Variants in FCAMR observed in about 807,000 individuals in gnomAD.
The protein encoded by FCAMR is high affinity immunoglobulin alpha and immunoglobulin mu Fc receptor.
A neutral mutation model predicts 52.2 loss-of-function variants in FCAMR; 51 were observed. The ratio of observed to expected loss-of-function variants is 0.98; its 90% CI spans 0.78 to 1.23. FCAMR has a LOEUF of 1.23. Ranked by LOEUF, FCAMR falls within the 50% of genes most tolerant of loss-of-function variation. FCAMR has a pLI of 0.00. For synonymous variants in FCAMR, 282 were observed against 262.0 expected, an observed-to-expected ratio of 1.08 and a Z score of -0.74; for missense variants, 719 against 712.6, an observed-to-expected ratio of 1.01 and a Z score of -0.10.
chr1:206,969,190 T>G (rs1680837633), intron 1 of FCAMR: 1 of 406,596 alleles, frequency 2.5e-6, no homozygotes, highest in South Asian at 1.7e-5. Context: ...TAAGTGCTGA[T>G]GCAGCACATG....
intron 4 of FCAMR, among the ~76,000 whole-genome samples, chr1:206,964,853 T>C (rs376504919): frequency 2.6e-5 from 4 of 152,192 alleles, no homozygotes; most frequent in Admixed American, 6.5e-5. Context: ...GCAGGACTTC[T>C]TGTTCAAAAG....
At chr1:206,966,489 G>C (rs563058048) in intron 3 of FCAMR, among the ~76,000 whole-genome samples, 2 of 152,168 alleles carry the variant, frequency 1.3e-5, no homozygotes, top group East Asian at 3.8e-4. Flanking sequence ...GGGTTCAAGC[G>C]ATTCTTCTGC....
Position 206,960,531 on chromosome 1 carries a change from C to A in FCAMR, c.1345G>T (p.Ala449Ser). ...CCAGTGGCAGCATCTAGGTCCCCTG[C>A]AGCGCTTCCTTCCCCAGATGCTGCC... ...MEAASGEGSAAGDLDAATGDR... is the reference protein window; with the variant it reads ...MEAASGEGSASGDLDAATGDR... Residue 449 changes from alanine (A) to serine (S), a missense_variant, in exon 6 of 8, where the codon GCA becomes TCA. Coordinates refer to ENST00000324852, the MANE Select transcript of FCAMR (RefSeq NM_001170631.2). 1.3e-6 allele frequency: 2 copies of A among 1,551,736 alleles called. No individual in the cohort carries two copies. The highest frequency in any genetic ancestry group is 2.4e-5 in the South Asian group (2 of 84,064).
intron 5 of FCAMR, among the ~76,000 whole-genome samples, chr1:206,961,895 G>A (rs1355541747): frequency 2.0e-5 from 3 of 152,238 alleles, no homozygotes; most frequent in Non-Finnish European, 4.4e-5. Context: ...TGAACATGCA[G>A]CTATCAGGAT....
At position 206,958,222 on chromosome 1, in the gene FCAMR, A is replaced by G. The variant is rs1478556366; in HGVS notation, c.*294T>C. On this transcript the variant is annotated 3_prime_UTR_variant, in exon 8 of 8. Coordinates refer to ENST00000324852, the MANE Select transcript of FCAMR (RefSeq NM_001170631.2). ...TCCACACTGATTGGAAGCCTCTTCT[A>G]TTTTCAAACATTCAGGAATGGAAAT... 3.3e-6 allele frequency: 1 copy of G among 299,026 alleles called. No homozygotes were observed. Among genetic ancestry groups the G allele is most frequent in the Non-Finnish European group, 6.2e-6 (1 of 162,362 alleles). 18.5% of individuals were successfully genotyped at this position (299,026 alleles called of 1,614,324 possible). A position where few individuals can be genotyped will look rare whatever the true frequency, so the allele number is the denominator to read the frequency against.
chr1:206,965,098 A>G (rs1680653426), intron 4 of FCAMR, among the ~76,000 whole-genome samples: 1 of 152,214 alleles, frequency 6.6e-6, no homozygotes, highest in Non-Finnish European at 1.5e-5. Flanking sequence ...TTAAATTACC[A>G]TTTAAATTTA....
In FCAMR at chr1:206,965,736, G is replaced by A. The variant is rs376441878; in HGVS notation, c.292C>T (p.Arg98Trp). The A allele has an allele frequency of 3.7e-5, 58 of 1,575,590 alleles. No individual in the cohort carries two copies. The highest frequency in any genetic ancestry group is 3.3e-4 in the East Asian group (14 of 42,934). Residue 98 changes from arginine (R) to tryptophan (W), a missense_variant, in exon 4 of 8, where the codon CGG becomes TGG. Coordinates refer to ENST00000324852, the MANE Select transcript of FCAMR (RefSeq NM_001170631.2). ...GTACCTGCAAAGGAGCTCTCCTCCC[G>A]CCAGCAGAGGGGCGAGGAAGGCCTG... ...TLRPSSPLCW[R>W]EESSFAAPNS...
At chr1:206,962,121 C>G in intron 5 of FCAMR, 92 bp downstream of exon 5, 3 of 1,284,640 alleles carry the variant, frequency 2.3e-6, no homozygotes, top group Non-Finnish European at 3.3e-6. Flanking sequence ...CCTAATGTTT[C>G]AAGCCCTTCT....
At chr1:206,969,162 T>C (rs17018488) in intron 1 of FCAMR, 58,627 of 333,522 alleles carry the variant, frequency 0.18, 5,517 homozygotes, top group East Asian at 0.32. Context: ...CTCCCCCGGG[T>C]GAATTTTTCT....
At chr1:206,969,159 G>C (rs557450183) in intron 1 of FCAMR, 2 of 334,608 alleles carry the variant, frequency 6.0e-6, no homozygotes, top group East Asian at 8.8e-5. Flanking sequence ...AGACTCCCCC[G>C]GGTGAATTTT....
intron 4 of FCAMR, 67 bp downstream of exon 4, chr1:206,965,648 A>ACTTG: frequency 6.7e-7 from 1 of 1,492,724 alleles, no homozygotes; most frequent in Admixed American, 2.5e-5. Context: ...AGGGAGCCTG[A>ACTTG]CTTGGTCTGA....
chr1:206,967,059 C>T lies in FCAMR; in HGVS notation c.162G>A (p.Leu54=). Residue 54 remains leucine, a synonymous_variant, in exon 3 of 8, where the codon CTG becomes CTA. Coordinates refer to ENST00000324852, the MANE Select transcript of FCAMR (RefSeq NM_001170631.2). The part of the protein sequence containing the change: ...WKMPLFLILC[L]LQGSSFALPQ... ...GCTGGGTTTGGGACTCACCTTGTAG[C>T]AGGCACAGTATGAGGAAGAGGGGCA... 5 of 1,613,886 alleles carry T rather than the reference C, an allele frequency of 3.1e-6. No homozygotes were observed. Among genetic ancestry groups the T allele is most frequent in the Non-Finnish European group, 4.2e-6 (5 of 1,179,990 alleles).
intron 7 of FCAMR, chr1:206,959,100 C>T: frequency 2.8e-6 from 1 of 362,862 alleles, no homozygotes; most frequent in Non-Finnish European, 5.5e-6. Context: ...ATAGGCATCA[C>T]AGCCTTTGTA....
chr1:206,964,477 G>A lies in FCAMR; in HGVS notation c.313+1238C>T, dbSNP rs540164420. On this transcript the variant is annotated intron_variant, in intron 4 of 7. Coordinates refer to ENST00000324852, the MANE Select transcript of FCAMR (RefSeq NM_001170631.2). ...GCCTGGTGGGAGGTGATTGGGTTGT[G>A]GGGGAGGATCAGTCATGAATGGTTT... 3.3e-5 allele frequency among the ~76,000 whole-genome samples: 5 copies of A among 150,006 alleles called. No individual in the cohort carries two copies. The South Asian group carries it at 1.0e-3, about 31-fold the overall frequency.
chr1:206,967,410 C>A (rs1468800138), intron 2 of FCAMR, among the ~76,000 whole-genome samples, 173 bp downstream of exon 2: 1 of 152,182 alleles, frequency 6.6e-6, no homozygotes, highest in African/African-American at 2.4e-5. Flanking sequence ...CCTGGGCACC[C>A]ACTTGCCAGC....
intron 7 of FCAMR, 37 bp downstream of exon 7, chr1:206,959,642 G>A (rs950540419): frequency 6.4e-7 from 1 of 1,561,234 alleles, no homozygotes; most frequent in Non-Finnish European, 8.8e-7. Flanking sequence ...GTGGGAACCA[G>A]AACTCTTCTA....
At chr1:206,964,672 C>T (rs966148717) in intron 4 of FCAMR, among the ~76,000 whole-genome samples, 15 of 151,846 alleles carry the variant, frequency 9.9e-5, no homozygotes, top group Admixed American at 3.9e-4. Context: ...AAGCAGATAC[C>T]GGCACCATGC....
chr1:206,969,500 G>A (rs566171749), intron 1 of FCAMR: 1 of 334,350 alleles, frequency 3.0e-6, no homozygotes, highest in African/African-American at 2.2e-5. Flanking sequence ...TGCGTTTTAG[G>A]GGATGAGACC....
At chr1:206,959,877 T>C in intron 6 of FCAMR, 80 bp from the exon 7 acceptor site, 4 of 1,166,020 alleles carry the variant, frequency 3.4e-6, no homozygotes, top group Non-Finnish European at 5.2e-6. Context: ...CCCACATCCT[T>C]ACTTTACAGA....
Sources: allele counts gnomAD v4.1 joint callset (sites outside exome capture counted in the v4.1 genomes callset), GRCh38; gene constraint gnomAD v4.1.1; transcripts MANE v1.5; gene names NCBI Gene and HGNC (gene_info 2026-07-23, HGNC 2026-07-21).